FAM184A: variants seen among roughly 807,000 people sequenced by gnomAD.
FAM184A encodes the protein protein FAM184A.
A neutral mutation model predicts 143.8 loss-of-function variants in FAM184A; 99 were observed. The ratio of observed to expected loss-of-function variants is 0.69; its 90% confidence interval spans 0.58 to 0.81. The LOEUF (loss-of-function observed/expected upper bound fraction) is 0.81, where lower values mean the gene tolerates loss of function less well. Ranked by LOEUF, FAM184A falls within the 40% of genes least tolerant of loss-of-function variation. The pLI, the probability that FAM184A is intolerant of heterozygous loss-of-function variation, is 0.00. For missense variants in FAM184A, 1,217 were observed against 1,310.5 expected (o/e 0.93, Z 1.10); for synonymous variants, 427 against 446.4 (o/e 0.96, Z 0.55).
Position 119,024,530 on chromosome 6 carries a change from A to G in FAM184A, c.443T>C (p.Val148Ala). 2 of 1,613,956 alleles carry G rather than the reference A, an allele frequency of 1.2e-6. No homozygotes were observed. Among genetic ancestry groups the G allele is most frequent in the Non-Finnish European group, 1.7e-6 (2 of 1,179,972 alleles). The change falls in exon 2 of 18, where the codon GTC becomes GCC. Residue 148 changes from valine to alanine, a missense_variant. Physicochemically the swap from Val to Ala is moderately conservative, Grantham distance 64 (BLOSUM62 0). Coordinates refer to ENST00000338891, the MANE Select transcript of FAM184A (RefSeq NM_024581.6). ...TCTAGACATGGTCACTATGCGTTGG[A>G]CATGCTGGGCTTCTGCACAAAGTTG... is the stretch of plus-strand genomic sequence containing the variant. Reference protein sequence around the residue: ...DMQLCAEAQHVQRIVTMSREV... With the variant: ...DMQLCAEAQHAQRIVTMSREV...
chr6:119,091,524 G>A (rs964171164), intron 1 of FAM184A, among the ~76,000 whole-genome samples: 5 of 152,150 alleles, frequency 3.3e-5, no homozygotes, highest in Non-Finnish European at 7.4e-5. Flanking sequence ...CCATAGTCTT[G>A]TGCCCATGTT....
chr6:118,980,270 C>A lies in FAM184A; in HGVS notation c.2169G>T (p.Thr723=). The A allele has an allele frequency of 6.2e-7, 1 of 1,614,088 alleles. No individual in the cohort carries two copies. Among genetic ancestry groups the A allele is most frequent in the Non-Finnish European group, 8.5e-7 (1 of 1,179,986 alleles). The part of the protein sequence containing the change: ...TSLQQLQAQF[T]QERQRLTQEL... ...CTTGCGTAAGCCGCTGTCGTTCTTG[C>A]GTAAACTGGGCTTGCAGTTGTTGCA... The change falls in exon 10 of 18, where the codon ACG becomes ACT. Residue 723 remains threonine, a synonymous_variant. Transcript: ENST00000338891.
chr6:119,134,412 G>A (rs900689107), intron 1 of FAM184A, among the ~76,000 whole-genome samples: 4 of 151,942 alleles, frequency 2.6e-5, no homozygotes, highest in Admixed American at 1.3e-4. Context: ...TATTGCGGGG[G>A]GTGCCAAGAT....
intron 4 of FAM184A, among the ~76,000 whole-genome samples, chr6:119,017,862 G>C (rs1785314666): frequency 6.6e-6 from 1 of 152,134 alleles, no homozygotes; most frequent in Non-Finnish European, 1.5e-5. Flanking sequence ...CTCACTCTAT[G>C]AGTTTATGTG....
chr6:119,127,280 GTAGCACCTAGGT>G (rs1789395846), intron 1 of FAM184A, among the ~76,000 whole-genome samples: 1 of 152,120 alleles, frequency 6.6e-6, no homozygotes, highest in South Asian at 2.1e-4. Flanking sequence ...TCCCTTCACA[GTAGCACCTAGGT>G]TAGTGTTTGA....
At chr6:118,964,197 C>T (rs942027532) in intron 16 of FAM184A, among the ~76,000 whole-genome samples, 7 of 152,070 alleles carry the variant, frequency 4.6e-5, no homozygotes, top group African/African-American at 1.2e-4. Context: ...CCAAAAAGAA[C>T]GGTCAGAAGG....
At chr6:119,138,593 CTTATTATTATTATTATTATTA>C (rs141615745) in intron 1 of FAM184A, among the ~76,000 whole-genome samples, 25,644 of 147,966 alleles carry the variant, frequency 0.17, 4,388 homozygotes, top group African/African-American at 0.44. Context: ...CGCTCTTTCA[CTTATTATTATTATTATTATTA>C]TTATTATTAT....
chr6:119,072,975 T>C (rs1480732243), intron 1 of FAM184A, among the ~76,000 whole-genome samples: 2 of 152,186 alleles, frequency 1.3e-5, no homozygotes, highest in East Asian at 1.9e-4. Flanking sequence ...TAAATACTTA[T>C]TAAGCTTTGG....
intron 9 of FAM184A, among the ~76,000 whole-genome samples, chr6:118,989,628 C>A (rs1784306399): frequency 8.4e-6 from 1 of 119,090 alleles, no homozygotes; most frequent in Non-Finnish European, 2.0e-5. Flanking sequence ...ATGTTGACTT[C>A]ATAACTTCTC....
rs561208861 is a variant in FAM184A at position 119,046,310 on chromosome 6, G to A, written c.160-21497C>T. On this transcript the variant is annotated intron_variant, in intron 1 of 17. Transcript: ENST00000338891. ...ATGATCTAGGCTCACTGCAATCTCTGCCTCCTGGGTTCAAGCGATCCTCCT... is the reference window on the plus strand; with the variant it reads ...ATGATCTAGGCTCACTGCAATCTCTACCTCCTGGGTTCAAGCGATCCTCCT... Among the ~76,000 whole-genome samples the A allele has an allele frequency of 2.7e-4, 40 of 150,112 alleles. No individual in the cohort carries two copies. In the South Asian group the frequency reaches 8.4e-3, roughly 32 times the overall value.
At chr6:119,058,169 TTCTC>T (rs1420057464) in intron 1 of FAM184A, among the ~76,000 whole-genome samples, 65 of 143,788 alleles carry the variant, frequency 4.5e-4, no homozygotes, top group Middle Eastern at 3.5e-3. Context: ...CCAATTCTCC[TTCTC>T]TCTTTTTTTT....
At chr6:119,117,944 A>C (rs2114856927) in intron 1 of FAM184A, among the ~76,000 whole-genome samples, 1 of 152,338 alleles carries the variant, frequency 6.6e-6, no homozygotes, top group Admixed American at 6.5e-5. Context: ...AGAAGCAGTC[A>C]GGGACCAGAG....
chr6:118,972,079 A>G (rs964842503), intron 14 of FAM184A, among the ~76,000 whole-genome samples: 3 of 152,212 alleles, frequency 2.0e-5, no homozygotes, highest in Admixed American at 6.5e-5. Flanking sequence ...CCACAGCTCC[A>G]TAAGTTGGAA....
chr6:119,126,901 G>A (rs182947624), intron 1 of FAM184A, among the ~76,000 whole-genome samples: 1 of 152,162 alleles, frequency 6.6e-6, no homozygotes. Flanking sequence ...CTGAAGTCTG[G>A]CTGTCTCTGG....
intron 1 of FAM184A, among the ~76,000 whole-genome samples, chr6:119,064,730 T>C (rs571068471): frequency 6.6e-5 from 10 of 152,036 alleles, no homozygotes; most frequent in Non-Finnish European, 5.9e-5. Context: ...AAAAAACTGA[T>C]ACCAAATACC....
intron 1 of FAM184A, among the ~76,000 whole-genome samples, chr6:119,028,993 C>A (rs1259249795): frequency 6.6e-6 from 1 of 152,164 alleles, no homozygotes; most frequent in African/African-American, 2.4e-5. Context: ...GTTATGTGTT[C>A]TATCCAGTGT....
chr6:118,983,762 T>C (rs1429056034), intron 9 of FAM184A, among the ~76,000 whole-genome samples: 2 of 152,156 alleles, frequency 1.3e-5, no homozygotes. Context: ...GTCTCTACCA[T>C]TTAAAAAATG....
At chr6:118,998,333 T>A (rs1784637299) in intron 9 of FAM184A, among the ~76,000 whole-genome samples, 1 of 152,226 alleles carries the variant, frequency 6.6e-6, no homozygotes. Flanking sequence ...ACGTCTTTGG[T>A]CTCTGTGCCT....
intron 1 of FAM184A, among the ~76,000 whole-genome samples, chr6:119,095,516 A>G (rs73533313): frequency 0.029 from 4,444 of 152,200 alleles, 232 homozygotes; most frequent in African/African-American, 0.1. Context: ...CTCAGAGAGG[A>G]TATTATAATA....
Sources: allele counts gnomAD v4.1 joint callset (sites outside exome capture counted in the v4.1 genomes callset), GRCh38; gene constraint gnomAD v4.1.1; transcripts MANE v1.5; gene names NCBI Gene and HGNC (gene_info 2026-07-23, HGNC 2026-07-21).